The following CENPE variants were observed in gnomAD, a reference collection of about 807,000 sequenced individuals.
The protein encoded by CENPE is centromere protein E, also known as centromere-associated protein E.
Under a neutral mutation model 336.1 loss-of-function variants are expected in CENPE, and 145 were observed. The observed-to-expected ratio is 0.43, with a 90% CI of 0.38 to 0.50. The LOEUF (loss-of-function observed/expected upper bound fraction) is 0.50. CENPE is among the 20% of genes least tolerant of loss of function. The pLI is 0.00. For missense variants in CENPE, 2,719 were observed against 3,023.3 expected, an observed-to-expected ratio of 0.90 and a Z score of 2.36; for synonymous variants, 1,013 against 984.8, an observed-to-expected ratio of 1.03 and a Z score of -0.54.
chr4:103,197,047 G>A (rs1008161065), intron 1 of CENPE, among the ~76,000 whole-genome samples, 197 bp from the exon 2 acceptor site: 1 of 152,194 alleles, frequency 6.6e-6, no homozygotes, highest in African/African-American at 2.4e-5. Flanking sequence ...GTTTTCTTGT[G>A]AAGGCTTTCA....
chr4:103,185,812 G>A lies in CENPE; in HGVS notation c.743C>T (p.Ala248Val). The change falls in exon 9 of 49, where the codon GCA becomes GTA. Residue 248 changes from alanine to valine, a missense_variant and splice_region_variant. Ala to Val is a moderately conservative substitution (Grantham distance 64). Transcript: ENST00000265148. ...GSERAAQTGAAGVRLKEGCNI... is the reference protein window; with the variant it reads ...GSERAAQTGAVGVRLKEGCNI... ...CATATTTCATGAGTTTTAATTACCT[G>A]CAGCGCCTGTTTGAGCAGCTCTTTC... 1.2e-6 allele frequency: 2 copies of A among 1,606,418 alleles called. No homozygotes were observed. The highest frequency in any genetic ancestry group is 1.7e-6 in the Non-Finnish European group (2 of 1,174,956).
intron 45 of CENPE, chr4:103,116,361 G>A (rs140251418): frequency 2.9e-5 from 9 of 305,146 alleles, no homozygotes; most frequent in African/African-American, 1.8e-4. Flanking sequence ...AAGACACAGC[G>A]TGTTAATTGA....
At chr4:103,190,298 G>A (rs1453967308) in intron 8 of CENPE, among the ~76,000 whole-genome samples, 1 of 151,940 alleles carries the variant, frequency 6.6e-6, no homozygotes, top group Non-Finnish European at 1.5e-5. Flanking sequence ...ACTACTTTAA[G>A]GTTCATATGG....
chr4:103,195,092 C>A, intron 5 of CENPE, 22 bp downstream of exon 5: 1 of 1,546,470 alleles, frequency 6.5e-7, no homozygotes, highest in Non-Finnish European at 8.6e-7. Context: ...AATTTTAAAG[C>A]TCCCTTAAGT....
In CENPE at chr4:103,139,809, A is replaced by G. The variant is rs774440950; in HGVS notation, c.6184T>C (p.Leu2062=). 1.7e-5 allele frequency: 27 copies of G among 1,610,022 alleles called. No homozygotes were observed. The highest frequency in any genetic ancestry group is 2.0e-5 in the Non-Finnish European group (23 of 1,178,676). The change falls in exon 38 of 49, where the codon TTA becomes CTA. Residue 2062 remains leucine (L), a synonymous_variant. Coordinates refer to ENST00000265148, the MANE Select transcript of CENPE (RefSeq NM_001813.3). ...CTCACTCTAGCTATCATTTCCCTTA[A>G]GGTTGCTATGAATTGGTCCCTTTCC... is the stretch of plus-strand genomic sequence containing the variant. ...KMERDQFIAT[L]REMIARDRQN...
chr4:103,113,582 T>C (rs1028220137), intron 46 of CENPE, among the ~76,000 whole-genome samples: 1 of 143,294 alleles, frequency 7.0e-6, no homozygotes, highest in African/African-American at 2.6e-5. Context: ...TATTTTATAT[T>C]ACTTATATAT....
intron 16 of CENPE, among the ~76,000 whole-genome samples, chr4:103,171,694 C>A (rs1235532295): frequency 6.7e-6 from 1 of 150,032 alleles, no homozygotes; most frequent in Non-Finnish European, 1.5e-5. Flanking sequence ...TTAAAAAAAT[C>A]CACAAAATAA....
intron 16 of CENPE, among the ~76,000 whole-genome samples, chr4:103,165,620 T>C (rs1714093217): frequency 6.6e-6 from 1 of 152,174 alleles, no homozygotes; most frequent in Non-Finnish European, 1.5e-5. Context: ...GACTAGATAC[T>C]GCAAAACTGG....
At position 103,195,248 on chromosome 4, in the gene CENPE, A is replaced by T. The variant is rs768095668; in HGVS notation, c.358-15T>A. The T allele has an allele frequency of 2.6e-6, 4 of 1,564,082 alleles. No individual in the cohort carries two copies. The highest frequency in any genetic ancestry group is 2.8e-5 in the African/African-American group (2 of 71,890). On this transcript the variant is annotated splice_polypyrimidine_tract_variant and intron_variant, in intron 4 of 48. Coordinates refer to ENST00000265148, the MANE Select transcript of CENPE (RefSeq NM_001813.3). ...CTATCAGGAAACTAGAAGAAAAAAA[A>T]TTATATAAAAACACCAGGAAGCATC...
Position 103,179,057 on chromosome 4 carries a change from C to A in CENPE, c.1242+1254G>T, listed in dbSNP as rs181463156. ...TTTCCACTGCTCTTTATTCAGTGTGCCTTAACTCAACCAATATTGTTACCA... is the reference window on the plus strand; with the variant it reads ...TTTCCACTGCTCTTTATTCAGTGTGACTTAACTCAACCAATATTGTTACCA... On this transcript the variant is annotated intron_variant, in intron 13 of 48. Transcript: ENST00000265148. 1.6e-4 allele frequency among the ~76,000 whole-genome samples: 24 copies of A among 152,274 alleles called. No individual in the cohort carries two copies. The East Asian group carries it at 4.0e-3, about 26-fold the overall frequency.
intron 38 of CENPE, among the ~76,000 whole-genome samples, 179 bp downstream of exon 38, chr4:103,139,610 A>C (rs1752365581): frequency 6.6e-6 from 1 of 152,168 alleles, no homozygotes; most frequent in South Asian, 2.1e-4. Context: ...TATTTTCTGA[A>C]AATATTTTTG....
intron 42 of CENPE, among the ~76,000 whole-genome samples, chr4:103,131,852 G>A (rs545553415): frequency 2.0e-5 from 3 of 152,244 alleles, no homozygotes; most frequent in Non-Finnish European, 2.9e-5. Flanking sequence ...AACCTGAAAA[G>A]GCTATATACT....
chr4:103,172,500 T>A (rs1238131255), intron 16 of CENPE, among the ~76,000 whole-genome samples: 1 of 151,962 alleles, frequency 6.6e-6, no homozygotes, highest in Admixed American at 6.6e-5. Context: ...TAATACCAAA[T>A]GGGGAAAAGC....
At chr4:103,143,172 A>G in intron 34 of CENPE, 76 bp downstream of exon 34, 1 of 1,001,166 alleles carries the variant, frequency 1.0e-6, no homozygotes, top group Non-Finnish European at 1.5e-6. Flanking sequence ...ATTTTAGGGT[A>G]ATTCATATCT....
At position 103,171,910 on chromosome 4, in the gene CENPE, G is replaced by C. The variant is rs563622696; in HGVS notation, c.1647+2826C>G. On this transcript the variant is annotated intron_variant, in intron 16 of 48. Transcript: ENST00000265148. ...CTCTACCACATTACCTACCAGGACT[G>C]AATTATGAATAAATAGAAAACCTGA... is the stretch of plus-strand genomic sequence containing the variant. Among the ~76,000 whole-genome samples the C allele has an allele frequency of 2.0e-5, 3 of 151,920 alleles. No individual in the cohort carries two copies. The South Asian group carries it at 6.2e-4, about 31-fold the overall frequency.
chr4:103,145,114 A>C lies in CENPE; in HGVS notation c.4793T>G (p.Val1598Gly), dbSNP rs1752904687. Residue 1598 changes from valine to glycine, a missense_variant, in exon 32 of 49, where the codon GTA becomes GGA. By Grantham distance (109) the Val-to-Gly change is moderately radical. Around this residue, in one of 5 missense-constraint regions of CENPE, gnomAD observed 2,437 missense variants for 2,513.3 expected, o/e 0.97. Transcript: ENST00000265148. ...MIKEKEEMKR[V>G]QEALQIERDQ... ...TCTCTCTATCTGAAGGGCCTCCTGT[A>C]CTCTTTTCATTTCCTCTTTTTCCTT... The C allele has an allele frequency of 6.2e-7, 1 of 1,607,228 alleles. No homozygotes were observed.
intron 42 of CENPE, among the ~76,000 whole-genome samples, chr4:103,126,019 G>C (rs1003760519): frequency 1.3e-5 from 2 of 152,176 alleles, no homozygotes; most frequent in African/African-American, 4.8e-5. Context: ...CAGATACAGA[G>C]AATTACAACT....
rs1757894163 is a variant in CENPE at position 103,198,248 on chromosome 4, G to A, written c.56+16C>T. On this transcript the variant is annotated intron_variant, in intron 1 of 48. Transcript: ENST00000265148. Reference sequence around the variant, plus strand: ...GCAGGCCCAGCGGGCACCGGGCCGTGGTGTGGCCCCCCTACCTGCTGTTCA... The same window carrying A: ...GCAGGCCCAGCGGGCACCGGGCCGTAGTGTGGCCCCCCTACCTGCTGTTCA... The A allele has an allele frequency of 3.2e-6, 5 of 1,549,456 alleles. No homozygotes were observed. Among genetic ancestry groups the A allele is most frequent in the Non-Finnish European group, 4.4e-6 (5 of 1,146,442 alleles).
chr4:103,112,388 C>A (rs772347681), intron 46 of CENPE, among the ~76,000 whole-genome samples: 1 of 144,728 alleles, frequency 6.9e-6, no homozygotes. Flanking sequence ...TACATGTGCA[C>A]GCACAAATAT....
Sources: allele counts gnomAD v4.1 joint callset (sites outside exome capture counted in the v4.1 genomes callset), GRCh38; gene constraint gnomAD v4.1.1; regional missense constraint gnomAD v4.1.1; transcripts MANE v1.5; gene names NCBI Gene and HGNC (gene_info 2026-07-23, HGNC 2026-07-21).